The following EPM2A variants were observed in gnomAD, a reference collection of about 807,000 sequenced individuals.
EPM2A encodes EPM2A glucan phosphatase, laforin, also known as laforin.
EPM2A carries 21 observed loss-of-function variants against 26.5 expected under a neutral mutation model. That is an observed-to-expected ratio of 0.79 (90% CI 0.56 to 1.14). EPM2A has a LOEUF of 1.14. EPM2A is among the 50% of genes most tolerant of loss of function. The probability of loss-of-function intolerance (pLI) is 0.00; values close to 1 mark genes in which losing one functional copy is unlikely to be tolerated. For missense variants in EPM2A, 458 were observed against 440.8 expected (o/e 1.04, Z -0.35); for synonymous variants, 217 against 177.6 (o/e 1.22, Z -1.76).
intron 4 of EPM2A, among the ~76,000 whole-genome samples, chr6:145,386,079 T>C (rs1299361382): frequency 6.6e-6 from 1 of 151,790 alleles, no homozygotes; most frequent in Non-Finnish European, 1.5e-5. Context: ...TAGTACTAAA[T>C]TCAATAGAAT....
At chr6:145,536,409 C>T (rs1264479362) in intron 2 of EPM2A, among the ~76,000 whole-genome samples, 1 of 152,120 alleles carries the variant, frequency 6.6e-6, no homozygotes, top group East Asian at 1.9e-4. Context: ...AAGTCTCCTG[C>T]CTCAGCCTCC....
chr6:145,574,288 T>G (rs1403614399), intron 2 of EPM2A, among the ~76,000 whole-genome samples: 1 of 152,148 alleles, frequency 6.6e-6, no homozygotes, highest in Non-Finnish European at 1.5e-5. Flanking sequence ...AAGAACACCA[T>G]GATTAATTAG....
At chr6:145,469,862 A>T (rs909363017) in intron 4 of EPM2A, among the ~76,000 whole-genome samples, 19 of 152,168 alleles carry the variant, frequency 1.2e-4, no homozygotes, top group Non-Finnish European at 5.9e-5. Flanking sequence ...AGATTCTGTT[A>T]TTTACAACAT....
chr6:145,716,582 C>A (rs1205016222), intron 1 of EPM2A, among the ~76,000 whole-genome samples: 1 of 152,174 alleles, frequency 6.6e-6, no homozygotes, highest in East Asian at 1.9e-4. Flanking sequence ...CTACCCCTAT[C>A]CTGGAGTGGC....
At chr6:145,389,138 A>G (rs1323158307) in intron 4 of EPM2A, among the ~76,000 whole-genome samples, 1 of 151,962 alleles carries the variant, frequency 6.6e-6, no homozygotes, top group African/African-American at 2.4e-5. Context: ...TCACATCTAC[A>G]TTTAAAAATG....
chr6:145,677,485 G>A (rs550145024), intron 2 of EPM2A, among the ~76,000 whole-genome samples: 64 of 152,278 alleles, frequency 4.2e-4, no homozygotes, highest in Admixed American at 4.6e-4. Flanking sequence ...AAAAGAGGAA[G>A]TCAAATTGTC....
At chr6:145,460,097 A>T (rs1324424138) in intron 4 of EPM2A, among the ~76,000 whole-genome samples, 2 of 152,210 alleles carry the variant, frequency 1.3e-5, no homozygotes, top group African/African-American at 2.4e-5. Context: ...AGCATAATAG[A>T]AAATACTAGT....
At chr6:145,723,013 T>C (rs1334327560) in intron 1 of EPM2A, among the ~76,000 whole-genome samples, 1 of 152,222 alleles carries the variant, frequency 6.6e-6, no homozygotes, top group Non-Finnish European at 1.5e-5. Flanking sequence ...CGGTACTTGA[T>C]TATGGCTGCC....
At chr6:145,555,598 G>A (rs1191342412) in intron 2 of EPM2A, among the ~76,000 whole-genome samples, 1 of 152,038 alleles carries the variant, frequency 6.6e-6, no homozygotes, top group Non-Finnish European at 1.5e-5. Context: ...ATGTTAATCT[G>A]CAAACAAAAT....
Position 145,687,739 on chromosome 6 carries a change from T to A in EPM2A, c.302-1443A>T, listed in dbSNP as rs115348927. Reference sequence around the variant, plus strand: ...ATCCTTAAATTATTTGATGTTTCTTTGAGATATAACTCCTTCCATCAGACA... The same window carrying A: ...ATCCTTAAATTATTTGATGTTTCTTAGAGATATAACTCCTTCCATCAGACA... On this transcript the variant is annotated intron_variant, in intron 1 of 3. Coordinates refer to ENST00000367519, the MANE Select transcript of EPM2A (RefSeq NM_005670.4). Among the ~76,000 whole-genome samples, 413 of 152,332 alleles carry A rather than the reference T, an allele frequency of 2.7e-3. 5 individuals are homozygous for A. Among genetic ancestry groups the A allele is most frequent in the African/African-American group, 9.5e-3 (394 of 41,586 alleles).
In EPM2A at chr6:145,626,399, C is replaced by G. The variant is rs1375753080; in HGVS notation, c.*1017G>C. On this transcript the variant is annotated 3_prime_UTR_variant, in exon 4 of 4. Transcript: ENST00000367519. ...TTGGGCTCTTTTGGTAGTATAGTTC[C>G]TCTCATGAATTTCCACTCTGGTCTT... 3 of 985,782 alleles carry G rather than the reference C, an allele frequency of 3.0e-6. No homozygotes were observed. The highest frequency in any genetic ancestry group is 3.6e-6 in the Non-Finnish European group (3 of 829,988). 61.1% of individuals were successfully genotyped at this position (985,782 alleles called of 1,614,324 possible). A position where few individuals can be genotyped will look rare whatever the true frequency, so the allele number is the denominator to read the frequency against.
At chr6:145,465,863 AC>A (rs1322528505) in intron 4 of EPM2A, among the ~76,000 whole-genome samples, 1 of 152,066 alleles carries the variant, frequency 6.6e-6, no homozygotes, top group Non-Finnish European at 1.5e-5. Context: ...TCTTTGACAA[AC>A]CTGAGAAAAA....
chr6:145,431,058 A>C (rs1778915832), intron 4 of EPM2A, among the ~76,000 whole-genome samples: 1 of 152,168 alleles, frequency 6.6e-6, no homozygotes. Flanking sequence ...CTTAATTTCA[A>C]ATACTCCCCC....
chr6:145,689,190 C>T (rs1283519811), intron 1 of EPM2A, among the ~76,000 whole-genome samples: 1 of 152,098 alleles, frequency 6.6e-6, no homozygotes, highest in East Asian at 1.9e-4. Flanking sequence ...TTTTAAAAGT[C>T]TTTCATGGAT....
chr6:145,513,061 A>C (rs1430138173), intron 2 of EPM2A, among the ~76,000 whole-genome samples: 1 of 152,190 alleles, frequency 6.6e-6, no homozygotes, highest in Non-Finnish European at 1.5e-5. Context: ...TAGACAAATG[A>C]GATTTAATCA....
chr6:145,433,004 A>G (rs1292678154), intron 4 of EPM2A, among the ~76,000 whole-genome samples: 1 of 152,166 alleles, frequency 6.6e-6, no homozygotes, highest in Non-Finnish European at 1.5e-5. Flanking sequence ...GACTTCATAT[A>G]ATAGAAGAAA....
chr6:145,710,343 T>C (rs1054565037), intron 1 of EPM2A, among the ~76,000 whole-genome samples: 3 of 152,146 alleles, frequency 2.0e-5, no homozygotes, highest in Non-Finnish European at 4.4e-5. Flanking sequence ...ACGAAGACAT[T>C]TATGCAGCCA....
intron 4 of EPM2A, among the ~76,000 whole-genome samples, chr6:145,494,320 A>C (rs550603108): frequency 1.5e-3 from 222 of 152,162 alleles, no homozygotes; most frequent in African/African-American, 4.8e-3. Flanking sequence ...CTGTGGGTTC[A>C]GTGGTAATAT....
rs1442072101 is a variant in EPM2A, at chr6:145,625,487, T to C, written c.*1929A>G. The C allele has an allele frequency of 1.8e-6, 1 of 552,890 alleles. No individual in the cohort carries two copies. The highest frequency in any genetic ancestry group is 2.9e-5 in the East Asian group (1 of 33,956). The allele number at this position is 552,890 out of a possible 1,614,324, so 34.2% of individuals were successfully genotyped here. ...CACCTGAAAAAAGATCTTTGTATCATGGAAATTATGAAGCTGGATTTCTTA... is the reference window on the plus strand; with the variant it reads ...CACCTGAAAAAAGATCTTTGTATCACGGAAATTATGAAGCTGGATTTCTTA... On this transcript the variant is annotated 3_prime_UTR_variant, in exon 4 of 4. Coordinates refer to ENST00000367519, the MANE Select transcript of EPM2A (RefSeq NM_005670.4).
Sources: allele counts gnomAD v4.1 joint callset (sites outside exome capture counted in the v4.1 genomes callset), GRCh38; gene constraint gnomAD v4.1.1; transcripts MANE v1.5; gene names NCBI Gene and HGNC (gene_info 2026-07-23, HGNC 2026-07-21).